Variants in ALMS1 observed in about 807,000 individuals in gnomAD.
ALMS1 encodes the protein centrosome-associated protein ALMS1.
In ALMS1, 271 loss-of-function variants were observed where a neutral mutation model predicts 352.2. The ratio of observed to expected loss-of-function variants is 0.77; its 90% CI spans 0.70 to 0.85. The LOEUF (loss-of-function observed/expected upper bound fraction) is 0.85, where lower values mean the gene tolerates loss of function less well. Among genes scored for constraint, ALMS1 ranks in the 40% least tolerant of loss-of-function variants. ALMS1 has a pLI of 0.00. For synonymous variants in ALMS1, 1,865 were observed against 1,761.2 expected (o/e 1.06, Z -1.48); for missense variants, 5,445 against 4,870.7 (o/e 1.12, Z -3.51).
At chr2:73,515,768 T>TACAC (rs71406825) in intron 10 of ALMS1, among the ~76,000 whole-genome samples, 8,508 of 141,464 alleles carry the variant, frequency 0.06, 477 homozygotes, top group African/African-American at 0.15. Flanking sequence ...TCCACAGAAA[T>TACAC]ACACACACAC....
In ALMS1 at chr2:73,385,984, A is replaced by C. The variant is rs1334797627; in HGVS notation, c.116A>C (p.Asp39Ala). 6.5e-7 allele frequency: 1 copy of C among 1,549,034 alleles called. No individual in the cohort carries two copies. Among genetic ancestry groups the C allele is most frequent in the Admixed American group, 2.0e-5 (1 of 51,070 alleles). Residue 39 changes from aspartate to alanine, a missense_variant, in exon 1 of 23, where the codon GAC becomes GCC. Coordinates refer to ENST00000613296, the MANE Select transcript of ALMS1 (RefSeq NM_001378454.1). ...GCGGCGGCGGCGGCGAACGTGGACG[A>C]CGTAGTGGTCGTGGAGGAGGTGGAG... The part of the protein sequence containing the change: ...AAAAAAANVD[D>A]VVVVEEVEEE...
intron 10 of ALMS1, 129 bp downstream of exon 10, chr2:73,491,627 A>G (rs1020787405): frequency 1.1e-5 from 11 of 974,330 alleles, no homozygotes; most frequent in African/African-American, 3.2e-5. Flanking sequence ...TGTCTGGCTA[A>G]TTACTAGAAG....
chr2:73,471,875 G>T (rs1272467289), intron 9 of ALMS1, among the ~76,000 whole-genome samples: 1 of 151,948 alleles, frequency 6.6e-6, no homozygotes, highest in Non-Finnish European at 1.5e-5. Flanking sequence ...CAAAGGAAAT[G>T]AAATCAGAAT....
At chr2:73,396,594 A>T (rs1572898142) in intron 1 of ALMS1, among the ~76,000 whole-genome samples, 1 of 61,824 alleles carries the variant, frequency 1.6e-5, no homozygotes. Flanking sequence ...ATAGTATTTT[A>T]ATTACTAAAT....
intron 6 of ALMS1, among the ~76,000 whole-genome samples, chr2:73,427,254 A>G (rs1671399520): frequency 6.6e-6 from 1 of 152,212 alleles, no homozygotes; most frequent in African/African-American, 2.4e-5. Context: ...CTCTTGAAAG[A>G]CTTGACTTCA....
intron 6 of ALMS1, among the ~76,000 whole-genome samples, chr2:73,428,207 G>A (rs904540210): frequency 3.3e-5 from 5 of 152,100 alleles, no homozygotes; most frequent in African/African-American, 1.2e-4. Context: ...TTTGTCCTCT[G>A]TCAATCCTAT....
At chr2:73,447,934 C>T in intron 7 of ALMS1, 26 bp from the exon 8 acceptor site, 1 of 1,585,852 alleles carries the variant, frequency 6.3e-7, no homozygotes, top group Non-Finnish European at 8.6e-7. Context: ...ATTTTATATA[C>T]TATTAACAAA....
chr2:73,492,964 T>C (rs1005852501), intron 10 of ALMS1, among the ~76,000 whole-genome samples: 1 of 119,838 alleles, frequency 8.3e-6, no homozygotes, highest in Non-Finnish European at 1.6e-5. Context: ...TCAGTATTGA[T>C]ACTTAAAAAA....
intron 9 of ALMS1, among the ~76,000 whole-genome samples, chr2:73,465,820 T>C (rs942281345): frequency 1.7e-4 from 26 of 152,054 alleles, no homozygotes; most frequent in African/African-American, 4.8e-4. Context: ...AAAAAGTGGG[T>C]GAAGGATATG....
rs1671859518 is a variant in ALMS1, at chr2:73,448,697, A to G, written c.2170A>G (p.Ile724Val). 6.2e-7 allele frequency: 1 copy of G among 1,604,414 alleles called. No individual in the cohort carries two copies. The highest frequency in any genetic ancestry group is 8.5e-7 in the Non-Finnish European group (1 of 1,173,674). The change falls in exon 8 of 23, where the codon ATT becomes GTT. Residue 724 changes from isoleucine to valine, a missense_variant. Physicochemically the swap from Ile to Val is conservative, Grantham distance 29 (BLOSUM62 3). Coordinates refer to ENST00000613296, the MANE Select transcript of ALMS1 (RefSeq NM_001378454.1). The stretch of plus-strand genomic sequence containing the variant: ...CCACTCACATAGAGAGAAGCCTGGT[A>G]TTTTTTACCAACAAGAGTTCGCAGA... ...TPHSHREKPG[I>V]FYQQEFADSH...
chr2:73,580,476 T>A (rs572433515), intron 16 of ALMS1, among the ~76,000 whole-genome samples: 2 of 152,360 alleles, frequency 1.3e-5, no homozygotes, highest in African/African-American at 4.8e-5. Context: ...TTTAGTTCTT[T>A]ATCCATGGTT....
intron 11 of ALMS1, among the ~76,000 whole-genome samples, chr2:73,526,372 G>C (rs1431003079): frequency 6.6e-6 from 1 of 152,010 alleles, no homozygotes; most frequent in Non-Finnish European, 1.5e-5. Context: ...ATACCCCACT[G>C]CTTTAGGTAG....
chr2:73,515,666 A>T (rs1025044066), intron 10 of ALMS1, among the ~76,000 whole-genome samples: 1 of 152,114 alleles, frequency 6.6e-6, no homozygotes, highest in Non-Finnish European at 1.5e-5. Context: ...CAAAGAATAA[A>T]CAAGATTGAC....
intron 10 of ALMS1, among the ~76,000 whole-genome samples, chr2:73,499,443 G>T (rs1673174807): frequency 6.6e-6 from 1 of 152,238 alleles, no homozygotes; most frequent in Non-Finnish European, 1.5e-5. Context: ...ATATCCTAAA[G>T]ATTTTCCCTC....
At chr2:73,493,316 C>T (rs1673030431) in intron 10 of ALMS1, among the ~76,000 whole-genome samples, 2 of 150,260 alleles carry the variant, frequency 1.3e-5, no homozygotes, top group Admixed American at 6.6e-5. Context: ...CTAGGTTTAT[C>T]AAACTCCACA....
rs1208810627 is a variant in ALMS1 at position 73,609,855 on chromosome 2, C to G, written c.*243C>G. ...GTGTTACAATGATATGATCATTTCT[C>G]AAGAATAAGTCCCTTTTTGTATGTG... On this transcript the variant is annotated 3_prime_UTR_variant, in exon 23 of 23. Coordinates refer to ENST00000613296, the MANE Select transcript of ALMS1 (RefSeq NM_001378454.1). 2.0e-6 allele frequency: 1 copy of G among 506,702 alleles called. No homozygotes were observed. The highest frequency in any genetic ancestry group is 3.6e-6 in the Non-Finnish European group (1 of 280,586). 31.4% of individuals were successfully genotyped at this position (506,702 alleles called of 1,614,324 possible). A position where few individuals can be genotyped will look rare whatever the true frequency, so the allele number is the denominator to read the frequency against.
intron 2 of ALMS1, among the ~76,000 whole-genome samples, chr2:73,410,250 G>A (rs574469671): frequency 1.3e-5 from 2 of 152,062 alleles, no homozygotes; most frequent in African/African-American, 2.4e-5. Flanking sequence ...TTAGCCAGGC[G>A]TGGTGGTGCA....
rs1014990709 is a variant in ALMS1, at chr2:73,448,352, G to C, written c.1825G>C (p.Asp609His). The C allele has an allele frequency of 6.2e-7, 1 of 1,613,918 alleles. No individual in the cohort carries two copies. Among genetic ancestry groups the C allele is most frequent in the Non-Finnish European group, 8.5e-7 (1 of 1,179,956 alleles). ...AGTTTCAGCTGCTCCTGGACTAGCTGACCAGACAACTGGCATGTCAACTCT... is the reference window on the plus strand; with the variant it reads ...AGTTTCAGCTGCTCCTGGACTAGCTCACCAGACAACTGGCATGTCAACTCT... The part of the protein sequence containing the change: ...LKVSAAPGLA[D>H]QTTGMSTLTS... The change falls in exon 8 of 23, where the codon GAC (aspartate) becomes CAC (histidine). Residue 609 changes from aspartate (D) to histidine (H), a missense_variant. Physicochemically the swap from Asp to His is moderately conservative, Grantham distance 81. Transcript: ENST00000613296.
chr2:73,489,471 C>T (rs1276894998), intron 9 of ALMS1, among the ~76,000 whole-genome samples, 163 bp from the exon 10 acceptor site: 1 of 152,122 alleles, frequency 6.6e-6, no homozygotes, highest in Non-Finnish European at 1.5e-5. Context: ...AGTTAACTGT[C>T]TTTTTTGCTT....
Sources: allele counts gnomAD v4.1 joint callset (sites outside exome capture counted in the v4.1 genomes callset), GRCh38; gene constraint gnomAD v4.1.1; transcripts MANE v1.5; gene names NCBI Gene and HGNC (gene_info 2026-07-23, HGNC 2026-07-21).